Variants in HEATR5A observed in about 807,000 individuals in gnomAD.
The protein encoded by HEATR5A is HEAT repeat containing 5A, also known as HEAT repeat-containing protein 5A.
In HEATR5A, 178 loss-of-function variants were observed where a neutral mutation model predicts 218.8. The ratio of observed to expected loss-of-function variants is 0.81; its 90% CI spans 0.72 to 0.92. HEATR5A has a LOEUF of 0.92. HEATR5A is among the 40% of genes least tolerant of loss of function. The pLI is 0.00. For synonymous variants in HEATR5A, 864 were observed against 871.6 expected, an observed-to-expected ratio of 0.99 and a Z score of 0.15; for missense variants, 2,420 against 2,418.9, an observed-to-expected ratio of 1.00 and a Z score of -0.01.
At chr14:31,356,340 G>A (rs748196600) in intron 16 of HEATR5A, among the ~76,000 whole-genome samples, 12 of 152,114 alleles carry the variant, frequency 7.9e-5, no homozygotes, top group Non-Finnish European at 1.6e-4. Context: ...AGTATCAAGC[G>A]AACCTCCCAC....
chr14:31,386,053 A>G (rs1393300481), intron 9 of HEATR5A, among the ~76,000 whole-genome samples: 5 of 152,320 alleles, frequency 3.3e-5, no homozygotes, highest in African/African-American at 1.2e-4. Flanking sequence ...TAAAGCTATT[A>G]TAAAGTGATT....
intron 11 of HEATR5A, among the ~76,000 whole-genome samples, chr14:31,377,864 A>G (rs1033145885): frequency 3.0e-4 from 46 of 152,180 alleles, no homozygotes; most frequent in Non-Finnish European, 1.6e-4. Context: ...ACCCAAGAAA[A>G]CAAAGTAATT....
intron 9 of HEATR5A, among the ~76,000 whole-genome samples, chr14:31,385,674 A>G (rs1249126626): frequency 6.6e-6 from 1 of 152,018 alleles, no homozygotes; most frequent in African/African-American, 2.4e-5. Context: ...TAGCAAATAT[A>G]CTCAAAATCC....
rs573879827 is a variant in HEATR5A, at chr14:31,375,102, C to T, written c.1709-134G>A. Reference sequence around the variant, plus strand: ...AACATTTTGTCCCCTTTCTTATCTTCAGGTTCCAAATTATTACTGAATGAA... The same window carrying T: ...AACATTTTGTCCCCTTTCTTATCTTTAGGTTCCAAATTATTACTGAATGAA... On this transcript the variant is annotated intron_variant, in intron 11 of 35. Transcript: ENST00000543095. The T allele has an allele frequency of 1.8e-5, 13 of 740,028 alleles. No individual in the cohort carries two copies. In the East Asian group the frequency reaches 2.7e-4, roughly 16 times the overall value. 45.8% of individuals were successfully genotyped at this position (740,028 alleles called of 1,614,324 possible).
intron 1 of HEATR5A, among the ~76,000 whole-genome samples, chr14:31,406,701 T>C (rs559479405): frequency 6.6e-6 from 1 of 152,280 alleles, no homozygotes; most frequent in East Asian, 1.9e-4. Context: ...CTCACGCTCA[T>C]AATCCTAGCA....
intron 14 of HEATR5A, among the ~76,000 whole-genome samples, chr14:31,361,183 T>G (rs1279731944): frequency 6.6e-6 from 1 of 152,200 alleles, no homozygotes; most frequent in Non-Finnish European, 1.5e-5. Flanking sequence ...GCTGAATCAC[T>G]CATTCATCCA....
At chr14:31,311,650 C>G (rs1016289785) in intron 28 of HEATR5A, among the ~76,000 whole-genome samples, 1 of 151,722 alleles carries the variant, frequency 6.6e-6, no homozygotes, top group African/African-American at 2.4e-5. Context: ...GACATGCAAC[C>G]ACAAACGAAT....
At chr14:31,394,373 A>G in intron 5 of HEATR5A, 147 bp from the exon 6 acceptor site, 1 of 481,730 alleles carries the variant, frequency 2.1e-6, no homozygotes, top group Non-Finnish European at 3.6e-6. Flanking sequence ...ATAAATGGAT[A>G]CTTATTAAAA....
At chr14:31,300,938 T>C (rs1595074920) in intron 33 of HEATR5A, among the ~76,000 whole-genome samples, 1 of 152,200 alleles carries the variant, frequency 6.6e-6, no homozygotes, top group Non-Finnish European at 1.5e-5. Context: ...TTTATTGTAC[T>C]AGAAATGCAG....
intron 25 of HEATR5A, chr14:31,320,324 T>C: frequency 1.3e-6 from 1 of 787,580 alleles, no homozygotes; most frequent in East Asian, 2.6e-5. Context: ...GAGTTGCTGC[T>C]TGAGAGACAG....
Position 31,377,040 on chromosome 14 carries a change from G to T in HEATR5A, c.1709-2072C>A, listed in dbSNP as rs1566774069. 2.0e-5 allele frequency among the ~76,000 whole-genome samples: 3 copies of T among 151,088 alleles called. No homozygotes were observed. The East Asian group carries it at 5.9e-4, about 29-fold the overall frequency. On this transcript the variant is annotated intron_variant, in intron 11 of 35. Transcript: ENST00000543095. ...CTCATGAGGCCGAGGCAGGAGGACT[G>T]CTTGAGCCTGGCATTCAAGGCTGCA...
At chr14:31,319,238 C>T (rs1345603465) in intron 25 of HEATR5A, among the ~76,000 whole-genome samples, 4 of 152,028 alleles carry the variant, frequency 2.6e-5, no homozygotes, top group African/African-American at 9.7e-5. Context: ...CTGCAACCTC[C>T]ACCTTCTGGG....
intron 1 of HEATR5A, among the ~76,000 whole-genome samples, chr14:31,407,847 C>T (rs151181404): frequency 0.036 from 5,538 of 152,228 alleles, 138 homozygotes; most frequent in Non-Finnish European, 0.057. Context: ...AGGCTGGTCT[C>T]GAACTCCTGA....
In HEATR5A at chr14:31,321,869, A is replaced by G. The variant is rs1900118968; in HGVS notation, c.3788-189T>C. Among the ~76,000 whole-genome samples, 4 of 152,226 alleles carry G rather than the reference A, an allele frequency of 2.6e-5. No individual in the cohort carries two copies. The South Asian group carries it at 8.3e-4, about 31-fold the overall frequency. ...TTAATGTACACTGCAAATACACACAAGAAAACTGTCCCAAAGCTAGTAAGT... is the reference window on the plus strand; with the variant it reads ...TTAATGTACACTGCAAATACACACAGGAAAACTGTCCCAAAGCTAGTAAGT... On this transcript the variant is annotated intron_variant, in intron 24 of 35. Transcript: ENST00000543095.
At chr14:31,314,825 C>T (rs1341669945) in intron 27 of HEATR5A, among the ~76,000 whole-genome samples, 3 of 152,268 alleles carry the variant, frequency 2.0e-5, no homozygotes, top group Non-Finnish European at 1.5e-5. Context: ...CCCTTTTGTA[C>T]ATGTTGGTTA....
intron 13 of HEATR5A, among the ~76,000 whole-genome samples, chr14:31,371,032 G>A (rs1050666992): frequency 1.3e-5 from 2 of 152,172 alleles, no homozygotes; most frequent in Admixed American, 6.5e-5. Flanking sequence ...CTAGTCCAGT[G>A]GTAGCCAAAT....
intron 1 of HEATR5A, among the ~76,000 whole-genome samples, chr14:31,417,386 C>T (rs2031486956): frequency 6.6e-6 from 1 of 152,038 alleles, no homozygotes; most frequent in Admixed American, 6.6e-5. Context: ...CGGTGAAACC[C>T]TATCTCTACT....
At chr14:31,314,903 T>C (rs1371433065) in intron 27 of HEATR5A, among the ~76,000 whole-genome samples, 4 of 152,200 alleles carry the variant, frequency 2.6e-5, no homozygotes, top group African/African-American at 9.6e-5. Context: ...CCAGGCGTGG[T>C]GGCTCATGCT....
intron 8 of HEATR5A, 22 bp from the exon 9 acceptor site, chr14:31,386,597 A>T (rs780830388): frequency 6.4e-7 from 1 of 1,554,906 alleles, no homozygotes; most frequent in Non-Finnish European, 8.7e-7. Context: ...GCAAGAATTA[A>T]CTATGCATAA....
Sources: allele counts gnomAD v4.1 joint callset (sites outside exome capture counted in the v4.1 genomes callset), GRCh38; gene constraint gnomAD v4.1.1; transcripts MANE v1.5; gene names NCBI Gene and HGNC (gene_info 2026-07-23, HGNC 2026-07-21).